Variants in U2SURP observed in about 807,000 individuals in gnomAD.
U2SURP encodes U2 snRNP associated SURP domain containing.
Under a neutral mutation model 144.9 loss-of-function variants are expected in U2SURP, and 9 were observed. The observed-to-expected ratio is 0.06, with a 90% CI of 0.04 to 0.11. The LOEUF (loss-of-function observed/expected upper bound fraction) is 0.11, where lower values mean the gene tolerates loss of function less well. Ranked by LOEUF, U2SURP falls within the 10% of genes least tolerant of loss-of-function variation. U2SURP has a pLI of 1.00. For synonymous variants in U2SURP, 408 were observed against 396.8 expected (o/e 1.03, Z -0.33); for missense variants, 724 against 1,226.7 (o/e 0.59, Z 6.12).
rs1172080961 is a variant in U2SURP, at chr3:143,022,540, C to T, written c.896C>T (p.Pro299Leu). 1.9e-6 allele frequency: 3 copies of T among 1,606,338 alleles called. No homozygotes were observed. The highest frequency in any genetic ancestry group is 1.3e-5 in the African/African-American group (1 of 74,724). ...TGCCAAGAATTTGGAAGATTTGGAC[C>T]GTTAGCCAGTGTGAAAATCATGTGG... The part of the protein sequence containing the change: ...MLCQEFGRFG[P>L]LASVKIMWPR... Residue 299 changes from proline to leucine, a missense_variant, in exon 11 of 28, where the codon CCG becomes CTG. Pro to Leu is a moderately conservative substitution (Grantham distance 98, BLOSUM62 -3). Around this residue, in one of 13 missense-constraint regions of U2SURP, gnomAD observed 115 missense variants for 258.1 expected, o/e 0.45. Coordinates refer to ENST00000473835, the MANE Select transcript of U2SURP (RefSeq NM_001080415.2).
chr3:143,047,943 C>A (rs1332554097), intron 24 of U2SURP, among the ~76,000 whole-genome samples: 1 of 152,162 alleles, frequency 6.6e-6, no homozygotes, highest in Non-Finnish European at 1.5e-5. Context: ...TCACATACCA[C>A]TGAGAGCAGT....
At chr3:143,003,677 CTTTTTTT>C (rs60505715) in intron 1 of U2SURP, among the ~76,000 whole-genome samples, 28,105 of 101,980 alleles carry the variant, frequency 0.28, 1,931 homozygotes, top group East Asian at 0.39. Context: ...TATTTTATTT[CTTTTTTT>C]TTTTTTTTTT....
chr3:143,003,488 ATCAAATGAGATAATG>A (rs1935644249), intron 1 of U2SURP, among the ~76,000 whole-genome samples: 1 of 152,116 alleles, frequency 6.6e-6, no homozygotes. Context: ...TGATATAAGG[ATCAAATGAGATAATG>A]TCTATGAAGT....
intron 27 of U2SURP, 61 bp from the exon 28 acceptor site, chr3:143,056,251 A>G: frequency 1.3e-6 from 2 of 1,516,994 alleles, no homozygotes; most frequent in South Asian, 1.2e-5. Flanking sequence ...TCGTTTAAGG[A>G]TAAACAGTTT....
intron 16 of U2SURP, 77 bp from the exon 17 acceptor site, chr3:143,032,706 AT>A: frequency 7.6e-7 from 1 of 1,312,870 alleles, no homozygotes; most frequent in Non-Finnish European, 1.1e-6. Flanking sequence ...TTTTAAAGAA[AT>A]TAGTTTGTGA....
At position 143,056,507 on chromosome 3, in the gene U2SURP, C is replaced by A; in HGVS notation, c.*57C>A. ...AAATGCGATTTGTTTTGTGCCTGAA[C>A]GGTCTGTTTTTTAAAAAAACAAAAA... On this transcript the variant is annotated 3_prime_UTR_variant, in exon 28 of 28. Transcript: ENST00000473835. 1.3e-6 allele frequency: 2 copies of A among 1,573,498 alleles called. No homozygotes were observed. Among genetic ancestry groups the A allele is most frequent in the Non-Finnish European group, 8.6e-7 (1 of 1,162,724 alleles).
At chr3:143,004,361 T>G (rs1935709527) in intron 1 of U2SURP, among the ~76,000 whole-genome samples, 1 of 61,266 alleles carries the variant, frequency 1.6e-5, no homozygotes, top group Non-Finnish European at 2.7e-5. Flanking sequence ...GTGTTTTTTT[T>G]TTTTTTTTTT....
rs1935217646 is a variant in U2SURP at position 143,057,782 on chromosome 3, C to T, written c.*1332C>T. On this transcript the variant is annotated 3_prime_UTR_variant, in exon 28 of 28. Coordinates refer to ENST00000473835, the MANE Select transcript of U2SURP (RefSeq NM_001080415.2). ...CTAACAATGGATTATTTTGATTTAGCTTGCTTTTTAAAAAAATCTTTTCAA... is the reference window on the plus strand; with the variant it reads ...CTAACAATGGATTATTTTGATTTAGTTTGCTTTTTAAAAAAATCTTTTCAA... The T allele has an allele frequency of 6.6e-6, 1 of 151,720 alleles. No homozygotes were observed. The highest frequency in any genetic ancestry group is 1.9e-4 in the East Asian group (1 of 5,192). 9.4% of individuals were successfully genotyped at this position (151,720 alleles called of 1,614,324 possible).
In U2SURP at chr3:143,015,004, C is replaced by G. The variant is rs112010463; in HGVS notation, c.321+595C>G. On this transcript the variant is annotated intron_variant, in intron 4 of 27. Transcript: ENST00000473835. ...GGATATATTCTTATAAGTGAGATTA[C>G]TGGGTTGAGTGATAAATGCATAAAT... is the stretch of plus-strand genomic sequence containing the variant. Among the ~76,000 whole-genome samples, 1,416 of 152,088 alleles carry G rather than the reference C, an allele frequency of 9.3e-3. 17 individuals carry two copies. The highest frequency in any genetic ancestry group is 0.032 in the African/African-American group (1,310 of 41,530).
chr3:143,020,767 C>G (rs963236014), intron 8 of U2SURP, 74 bp downstream of exon 8: 32 of 1,156,316 alleles, frequency 2.8e-5, no homozygotes, highest in Admixed American at 9.9e-5. Flanking sequence ...TGGCGGGTTA[C>G]ATTCCAAGGA....
chr3:143,001,887 GT>G (rs1204023042), intron 1 of U2SURP, among the ~76,000 whole-genome samples: 1 of 152,242 alleles, frequency 6.6e-6, no homozygotes, highest in Non-Finnish European at 1.5e-5. Context: ...GGCGTGCCCA[GT>G]GGGTGGAGGC....
intron 23 of U2SURP, among the ~76,000 whole-genome samples, chr3:143,042,385 A>C (rs1399863074): frequency 6.6e-6 from 1 of 152,144 alleles, no homozygotes; most frequent in East Asian, 1.9e-4. Context: ...TGTATTTTCT[A>C]GATTGATTAT....
In U2SURP at chr3:143,038,913, G is replaced by A; in HGVS notation, c.2337G>A (p.Trp779Ter). 6.5e-7 allele frequency: 1 copy of A among 1,542,956 alleles called. No individual in the cohort carries two copies. Among genetic ancestry groups the A allele is most frequent in the Non-Finnish European group, 8.7e-7 (1 of 1,147,188 alleles). Residue 779 changes from tryptophan (W) to a stop codon, truncating the protein, a stop_gained, in exon 23 of 28, where the codon TGG becomes TGA. Transcript: ENST00000473835. LOFTEE classifies it high-confidence loss of function. ...LEAQAVTTSKWELFDQHEESE... is the reference protein window; with the variant it reads ...LEAQAVTTSK The stretch of plus-strand genomic sequence containing the variant: ...ATTCAGCTGTTACAACTTCTAAATG[G>A]GAATTATTTGACCAGCATGAAGAAT...
At chr3:143,046,317 T>A (rs893287961) in intron 24 of U2SURP, among the ~76,000 whole-genome samples, 9 of 147,924 alleles carry the variant, frequency 6.1e-5, no homozygotes, top group Admixed American at 5.4e-4. Flanking sequence ...ATTTTTATTT[T>A]TTTATTTTTT....
chr3:143,012,228 G>C lies in U2SURP; in HGVS notation c.97G>C (p.Ala33Pro). The C allele has an allele frequency of 6.2e-7, 1 of 1,608,166 alleles. No individual in the cohort carries two copies. The highest frequency in any genetic ancestry group is 8.5e-7 in the Non-Finnish European group (1 of 1,177,990). The change falls in exon 3 of 28, where the codon GCA becomes CCA. Residue 33 changes from alanine to proline, a missense_variant. Coordinates refer to ENST00000473835, the MANE Select transcript of U2SURP (RefSeq NM_001080415.2). ...SSGSSDAHMD[A>P]SGPSDSDMPS... ...TGTTTTACTTTTCCTGAAGATGGATGCATCTGGACCCTCAGATAGTGATAT... is the reference window on the plus strand; with the variant it reads ...TGTTTTACTTTTCCTGAAGATGGATCCATCTGGACCCTCAGATAGTGATAT...
intron 6 of U2SURP, among the ~76,000 whole-genome samples, chr3:143,017,542 T>G (rs1446859694): frequency 1.3e-5 from 2 of 152,076 alleles, no homozygotes; most frequent in Admixed American, 1.3e-4. Context: ...TGGTTTTTTT[T>G]GTGTGGCTTA....
intron 13 of U2SURP, among the ~76,000 whole-genome samples, chr3:143,024,246 G>GT (rs1474601541): frequency 5.9e-5 from 9 of 152,200 alleles, no homozygotes; most frequent in African/African-American, 1.9e-4. Flanking sequence ...AATGTTTATA[G>GT]TTTGACTAGT....
At chr3:143,034,763 G>C (rs1011080544) in intron 18 of U2SURP, 125 bp from the exon 19 acceptor site, 8 of 631,436 alleles carry the variant, frequency 1.3e-5, no homozygotes, top group Non-Finnish European at 2.2e-5. Context: ...CCTAGTTTTT[G>C]ATTTTTAATA....
At chr3:143,045,394 A>T (rs6440132) in intron 24 of U2SURP, among the ~76,000 whole-genome samples, 100,238 of 143,890 alleles carry the variant, frequency 0.7, 35,478 homozygotes, top group African/African-American at 0.84. Flanking sequence ...AAAAAAGAGC[A>T]CTCCCTTTCT....
Sources: allele counts gnomAD v4.1 joint callset (sites outside exome capture counted in the v4.1 genomes callset), GRCh38; gene constraint gnomAD v4.1.1; regional missense constraint gnomAD v4.1.1; transcripts MANE v1.5; gene names NCBI Gene and HGNC (gene_info 2026-07-23, HGNC 2026-07-21).